Variants in NIPBL observed in about 807,000 individuals in gnomAD.
The protein encoded by NIPBL is NIPBL cohesin loading factor.
NIPBL carries 19 observed loss-of-function variants against 321.8 expected under a neutral mutation model. The observed-to-expected ratio is 0.06, with a 90% CI of 0.04 to 0.09. The LOEUF (loss-of-function observed/expected upper bound fraction) is 0.09, where lower values mean the gene tolerates loss of function less well. Among genes scored for constraint, NIPBL ranks in the 10% least tolerant of loss-of-function variants. The probability of loss-of-function intolerance (pLI) is 1.00; values close to 1 mark genes in which losing one functional copy is unlikely to be tolerated. For missense variants in NIPBL, 2,210 were observed against 3,327.0 expected, an observed-to-expected ratio of 0.66 and a Z score of 8.26; for synonymous variants, 1,106 against 1,114.1, an observed-to-expected ratio of 0.99 and a Z score of 0.14.
At chr5:37,008,579 T>TTTCTA in intron 19 of NIPBL, 44 bp from the exon 20 acceptor site, 1 of 1,023,742 alleles carries the variant, frequency 9.8e-7, no homozygotes, top group South Asian at 1.3e-5. Context: ...TTTGGTTTGT[T>TTTCTA]TTCTATTATA....
intron 21 of NIPBL, among the ~76,000 whole-genome samples, chr5:37,012,296 C>T (rs1314875534): frequency 2.1e-4 from 31 of 149,870 alleles, no homozygotes; most frequent in African/African-American, 2.9e-4. Flanking sequence ...ACTACAGGCA[C>T]GCGCCACCAT....
chr5:36,987,333 T>C (rs1344800717), intron 10 of NIPBL, among the ~76,000 whole-genome samples: 2 of 152,234 alleles, frequency 1.3e-5, no homozygotes, highest in African/African-American at 4.8e-5. Flanking sequence ...AGGGTAACCA[T>C]TGCCTTTTTT....
At chr5:37,025,165 A>T (rs1400389786) in intron 30 of NIPBL, among the ~76,000 whole-genome samples, 1 of 152,208 alleles carries the variant, frequency 6.6e-6, no homozygotes, top group Non-Finnish European at 1.5e-5. Context: ...ACACAGGAAG[A>T]TTACTTGAGC....
At chr5:37,061,901 G>A (rs756549155) in intron 45 of NIPBL, among the ~76,000 whole-genome samples, 31 of 152,110 alleles carry the variant, frequency 2.0e-4, no homozygotes, top group Non-Finnish European at 4.3e-4. Flanking sequence ...GAGTGCAATG[G>A]CGCGATCTCG....
At position 37,000,580 on chromosome 5, in the gene NIPBL, C is replaced by T. The variant is rs760525455; in HGVS notation, c.3502+10C>T. On this transcript the variant is annotated intron_variant, in intron 12 of 46. Transcript: ENST00000282516. ...CCCAGCCTTAGTGAGGGTAATTCAT[C>T]AGTGTCAACGGATTTCTTACATAAA... 3.7e-6 allele frequency: 6 copies of T among 1,611,958 alleles called. No homozygotes were observed. The African/African-American group carries it at 8.0e-5, about 22-fold the overall frequency.
chr5:36,918,735 G>A (rs971078483), intron 1 of NIPBL, among the ~76,000 whole-genome samples: 12 of 152,244 alleles, frequency 7.9e-5, no homozygotes, highest in Admixed American at 4.6e-4. Context: ...TTAGCATGAA[G>A]GGCTGTTGAA....
At chr5:36,891,566 A>G (rs978528431) in intron 1 of NIPBL, among the ~76,000 whole-genome samples, 9 of 152,124 alleles carry the variant, frequency 5.9e-5, no homozygotes, top group Non-Finnish European at 1.0e-4. Flanking sequence ...GAAACTGATG[A>G]TGGCTTAGAT....
At chr5:37,046,921 T>C (rs1753039027) in intron 38 of NIPBL, among the ~76,000 whole-genome samples, 1 of 152,116 alleles carries the variant, frequency 6.6e-6, no homozygotes, top group Non-Finnish European at 1.5e-5. Flanking sequence ...CAGTTGGCCT[T>C]CCATATCCAT....
intron 1 of NIPBL, among the ~76,000 whole-genome samples, chr5:36,880,360 A>C (rs972704119): frequency 1.3e-5 from 2 of 152,056 alleles, no homozygotes; most frequent in Non-Finnish European, 2.9e-5. Context: ...GTAAATAAAA[A>C]CCAGGAGTTT....
intron 29 of NIPBL, among the ~76,000 whole-genome samples, chr5:37,024,087 C>T (rs1178962768): frequency 6.6e-6 from 1 of 151,812 alleles, no homozygotes; most frequent in Non-Finnish European, 1.5e-5. Context: ...ATCGCTTGAG[C>T]CTGGGAGGCA....
intron 1 of NIPBL, among the ~76,000 whole-genome samples, chr5:36,906,933 G>T (rs1194780454): frequency 6.6e-6 from 1 of 152,140 alleles, no homozygotes; most frequent in Admixed American, 6.5e-5. Flanking sequence ...ACACTACATT[G>T]TAACTTTAGA....
chr5:36,886,045 G>C (rs1745879215), intron 1 of NIPBL: 12 of 712,578 alleles, frequency 1.7e-5, no homozygotes, highest in South Asian at 1.5e-4. Context: ...GCACCACAGT[G>C]GTCACCACTC....
chr5:36,958,219 T>C lies in NIPBL; in HGVS notation c.346T>C (p.Tyr116His). ...VFREKSMQNR[Y>H]VQSGMMMSQY... ...CAGGGAGAAAAGCATGCAGAACAGATATGTACAAAGTGGTGAGTTTCTTAA... is the reference window on the plus strand; with the variant it reads ...CAGGGAGAAAAGCATGCAGAACAGACATGTACAAAGTGGTGAGTTTCTTAA... The change falls in exon 4 of 47, where the codon TAT becomes CAT. Residue 116 changes from tyrosine to histidine, a missense_variant. Tyr to His is a moderately conservative substitution (Grantham distance 83, BLOSUM62 2). Transcript: ENST00000282516. 2 of 1,613,668 alleles carry C rather than the reference T, an allele frequency of 1.2e-6. No homozygotes were observed. Among genetic ancestry groups the C allele is most frequent in the Non-Finnish European group, 1.7e-6 (2 of 1,179,848 alleles).
chr5:37,016,298 A>C, intron 23 of NIPBL, 128 bp downstream of exon 23: 1 of 988,524 alleles, frequency 1.0e-6, no homozygotes, highest in Non-Finnish European at 1.6e-6. Context: ...CTCTTTTTGC[A>C]TGTGCATAAC....
rs1375829032 is a variant in NIPBL, at chr5:37,016,165, C to T, written c.4771C>T (p.Leu1591=). 2 of 1,613,660 alleles carry T rather than the reference C, an allele frequency of 1.2e-6. No individual in the cohort carries two copies. The part of the protein sequence containing the change: ...AELLLSLLGR[L]LVHQFSNKST... ...ACTACTCCTTAGTTTGTTAGGGAGA[C>T]TGTTGGTAAGAGTATAGCATTTAAA... is the stretch of plus-strand genomic sequence containing the variant. Residue 1591 remains leucine, a synonymous_variant, in exon 23 of 47, where the codon CTG becomes TTG. Coordinates refer to ENST00000282516, the MANE Select transcript of NIPBL (RefSeq NM_133433.4).
At chr5:36,986,601 T>C (rs1744835377) in intron 10 of NIPBL, among the ~76,000 whole-genome samples, 2 of 152,174 alleles carry the variant, frequency 1.3e-5, no homozygotes, top group Admixed American at 6.5e-5. Flanking sequence ...TTCTGAAATA[T>C]GCTTAAGTGA....
intron 42 of NIPBL, among the ~76,000 whole-genome samples, chr5:37,054,363 CA>C (rs1484385678): frequency 1.3e-5 from 2 of 152,108 alleles, no homozygotes; most frequent in African/African-American, 4.8e-5. Context: ...ATATCATTAT[CA>C]GTATTAAGTT....
chr5:37,013,328 G>A lies in NIPBL; in HGVS notation c.4561-1355G>A, dbSNP rs553567573. 9.3e-5 allele frequency among the ~76,000 whole-genome samples: 14 copies of A among 151,164 alleles called. No homozygotes were observed. In the South Asian group the frequency reaches 1.3e-3, roughly 14 times the overall value. ...CCCCCACCTCCCTCCCGGACGGGGC[G>A]GCTGGCCGGGCGGGGGGCTGACCCC... On this transcript the variant is annotated intron_variant, in intron 21 of 46. Coordinates refer to ENST00000282516, the MANE Select transcript of NIPBL (RefSeq NM_133433.4).
At chr5:37,006,091 A>T (rs1442060799) in intron 16 of NIPBL, among the ~76,000 whole-genome samples, 1 of 152,260 alleles carries the variant, frequency 6.6e-6, no homozygotes, top group Admixed American at 6.5e-5. Context: ...GATAAAGCAC[A>T]CAAAGGATAT....
Sources: allele counts gnomAD v4.1 joint callset (sites outside exome capture counted in the v4.1 genomes callset), GRCh38; gene constraint gnomAD v4.1.1; transcripts MANE v1.5; gene names NCBI Gene and HGNC (gene_info 2026-07-23, HGNC 2026-07-21).